The following SLC24A2 variants were observed in gnomAD, a reference collection of about 807,000 sequenced individuals.
The protein encoded by SLC24A2 is solute carrier family 24 member 2.
In SLC24A2, 36 loss-of-function variants were observed where a neutral mutation model predicts 62.0. The ratio of observed to expected loss-of-function variants is 0.58; its 90% CI spans 0.44 to 0.77. SLC24A2 has a LOEUF of 0.77. SLC24A2 is among the 30% of genes least tolerant of loss of function. The pLI, the probability that SLC24A2 is intolerant of heterozygous loss-of-function variation, is 0.00. For missense variants in SLC24A2, 846 were observed against 817.9 expected (o/e 1.03, Z -0.42); for synonymous variants, 358 against 294.0 (o/e 1.22, Z -2.23).
At chr9:20,189,904 C>T in the SLC24A2 span, among the ~76,000 whole-genome samples, 1 of 152,170 alleles carries the variant, frequency 6.6e-6, no homozygotes, top group Non-Finnish European at 1.5e-5. Flanking sequence ...CTGCCTGGAG[C>T]AGCATTCTCA....
intron 2 of SLC24A2, among the ~76,000 whole-genome samples, chr9:19,694,849 G>T (rs1329324346): frequency 6.6e-6 from 1 of 152,116 alleles, no homozygotes; most frequent in African/African-American, 2.4e-5. Context: ...CACAGCCAAG[G>T]GCAAGCATGG....
At chr9:20,048,563 T>G in the SLC24A2 span, among the ~76,000 whole-genome samples, 7 of 152,318 alleles carry the variant, frequency 4.6e-5, no homozygotes, top group African/African-American at 1.7e-4. Flanking sequence ...ATATTCTTCT[T>G]GGCAAATGTA....
chr9:20,277,985 G>C, the SLC24A2 span, among the ~76,000 whole-genome samples: 3 of 151,876 alleles, frequency 2.0e-5, no homozygotes, highest in African/African-American at 4.8e-5. Flanking sequence ...CTACCACAAA[G>C]ACAGAAAACC....
intron 4 of SLC24A2, among the ~76,000 whole-genome samples, chr9:19,601,454 G>T (rs1836838794): frequency 6.6e-6 from 1 of 152,128 alleles, no homozygotes; most frequent in African/African-American, 2.4e-5. Context: ...AATAAATCTT[G>T]CTGCTGCTCA....
At chr9:20,264,549 G>C in the SLC24A2 span, among the ~76,000 whole-genome samples, 1 of 152,272 alleles carries the variant, frequency 6.6e-6, no homozygotes, top group Non-Finnish European at 1.5e-5. Context: ...AACACAATTG[G>C]CATTCAATTC....
At chr9:19,885,940 A>G in the SLC24A2 span, among the ~76,000 whole-genome samples, 202 of 152,182 alleles carry the variant, frequency 1.3e-3, no homozygotes, top group African/African-American at 4.7e-3. Flanking sequence ...ATTCTTTTTT[A>G]TGACTGCATA....
At chr9:19,733,177 T>C (rs1821389952) in intron 2 of SLC24A2, among the ~76,000 whole-genome samples, 1 of 151,970 alleles carries the variant, frequency 6.6e-6, no homozygotes, top group Non-Finnish European at 1.5e-5. Context: ...GGTGCCTGAG[T>C]CTCAATGATG....
chr9:19,545,260 G>T (rs1029733644), intron 8 of SLC24A2, among the ~76,000 whole-genome samples: 1 of 151,792 alleles, frequency 6.6e-6, no homozygotes, highest in African/African-American at 2.4e-5. Context: ...TTCTCATGCT[G>T]TGTTTTTCAG....
At chr9:20,251,803 G>A in the SLC24A2 span, among the ~76,000 whole-genome samples, 4 of 152,302 alleles carry the variant, frequency 2.6e-5, no homozygotes, top group South Asian at 2.1e-4. Context: ...AGATCCCTCT[G>A]TCACCCACAA....
At chr9:19,901,411 G>A in the SLC24A2 span, among the ~76,000 whole-genome samples, 1 of 152,186 alleles carries the variant, frequency 6.6e-6, no homozygotes, top group Non-Finnish European at 1.5e-5. Context: ...GTTACAGCCT[G>A]TAAATATGGT....
intron 7 of SLC24A2, among the ~76,000 whole-genome samples, chr9:19,567,938 AC>A (rs897162918): frequency 1.3e-5 from 2 of 152,160 alleles, no homozygotes; most frequent in African/African-American, 4.8e-5. Context: ...TATGGCAGAA[AC>A]CTCTCGGAGA....
the SLC24A2 span, among the ~76,000 whole-genome samples, chr9:20,198,209 G>C: frequency 5.3e-5 from 8 of 152,290 alleles, no homozygotes; most frequent in South Asian, 4.1e-4. Context: ...GAGTTCACTC[G>C]GGAAAGGGGG....
chr9:19,645,944 C>A (rs983432707), intron 2 of SLC24A2, among the ~76,000 whole-genome samples: 12 of 152,208 alleles, frequency 7.9e-5, no homozygotes, highest in African/African-American at 2.9e-4. Context: ...TGTCTTGTTT[C>A]TGCGTCTTCC....
chr9:19,579,251 G>A (rs1411672597), intron 5 of SLC24A2, among the ~76,000 whole-genome samples: 1 of 152,186 alleles, frequency 6.6e-6, no homozygotes, highest in Non-Finnish European at 1.5e-5. Flanking sequence ...AGAAATGCAA[G>A]GATGGAGGAG....
chr9:19,650,513 C>T (rs757259440), intron 2 of SLC24A2, among the ~76,000 whole-genome samples: 18 of 152,292 alleles, frequency 1.2e-4, no homozygotes, highest in East Asian at 7.7e-4. Context: ...TAATCTCCCA[C>T]GCCCATCAGC....
chr9:19,861,784 CA>C, the SLC24A2 span, among the ~76,000 whole-genome samples: 1 of 151,886 alleles, frequency 6.6e-6, no homozygotes, highest in African/African-American at 2.4e-5. Flanking sequence ...TTGAAAAATG[CA>C]GTTGGCATAC....
the SLC24A2 span, among the ~76,000 whole-genome samples, chr9:20,074,736 C>T: frequency 6.6e-6 from 1 of 151,644 alleles, no homozygotes; most frequent in Non-Finnish European, 1.5e-5. Flanking sequence ...GATCAAGCTG[C>T]TATTTAATAT....
the SLC24A2 span, among the ~76,000 whole-genome samples, chr9:19,996,115 C>CA: frequency 2.6e-5 from 4 of 152,172 alleles, no homozygotes; most frequent in African/African-American, 9.7e-5. Context: ...ATGTAAGGAG[C>CA]ATGGGGTGTC....
At chr9:20,047,381 A>G in the SLC24A2 span, among the ~76,000 whole-genome samples, 3 of 151,966 alleles carry the variant, frequency 2.0e-5, no homozygotes, top group Non-Finnish European at 2.9e-5. Flanking sequence ...ATTTAACACC[A>G]TACCTGACAA....
Sources: gnomAD v4.1 joint callset for allele counts (sites outside exome capture counted in the v4.1 genomes callset) on GRCh38, gnomAD v4.1.1 for gene constraint, MANE v1.5 for transcripts, NCBI Gene and HGNC (gene_info 2026-07-23, HGNC 2026-07-21) for gene names.